The following GRIA4 variants were observed in gnomAD, a reference collection of about 807,000 sequenced individuals.
GRIA4 encodes glutamate receptor 4.
Under a neutral mutation model 104.0 loss-of-function variants are expected in GRIA4, and 34 were observed. The observed-to-expected ratio is 0.33, with a 90% CI of 0.25 to 0.44. The LOEUF (loss-of-function observed/expected upper bound fraction) is 0.44. GRIA4 is among the 20% of genes least tolerant of loss of function. The probability of loss-of-function intolerance (pLI) is 1.00; values close to 1 mark genes in which losing one functional copy is unlikely to be tolerated. For missense variants in GRIA4, 750 were observed against 1,096.5 expected (o/e 0.68, Z 4.46); for synonymous variants, 386 against 381.9 (o/e 1.01, Z -0.13).
chr11:105,622,580 T>A (rs1329865257), intron 3 of GRIA4, among the ~76,000 whole-genome samples: 1 of 151,670 alleles, frequency 6.6e-6, no homozygotes, highest in Non-Finnish European at 1.5e-5. Flanking sequence ...TGATTGTCAC[T>A]CACCACCTGA....
At chr11:105,733,269 A>C (rs1358226946) in intron 3 of GRIA4, among the ~76,000 whole-genome samples, 5 of 152,220 alleles carry the variant, frequency 3.3e-5, no homozygotes, top group African/African-American at 4.8e-5. Flanking sequence ...ATACGGTGTC[A>C]GTATACGTAT....
chr11:105,802,601 G>C (rs939758718), intron 4 of GRIA4, among the ~76,000 whole-genome samples: 4 of 151,888 alleles, frequency 2.6e-5, no homozygotes, highest in Admixed American at 2.6e-4. Context: ...CAGCAATTTA[G>C]TGAATCTATT....
intron 4 of GRIA4, among the ~76,000 whole-genome samples, chr11:105,776,937 A>G (rs1231318296): frequency 6.6e-6 from 1 of 152,184 alleles, no homozygotes; most frequent in Non-Finnish European, 1.5e-5. Context: ...AAGATGTTCT[A>G]CTACCATGAC....
chr11:105,890,135 T>C (rs1243438378), intron 6 of GRIA4, among the ~76,000 whole-genome samples: 1 of 152,122 alleles, frequency 6.6e-6, no homozygotes, highest in Non-Finnish European at 1.5e-5. Flanking sequence ...AAGAGAACAA[T>C]GAAATTCAGC....
At chr11:105,797,097 T>C (rs1349699945) in intron 4 of GRIA4, among the ~76,000 whole-genome samples, 1 of 152,058 alleles carries the variant, frequency 6.6e-6, no homozygotes, top group Non-Finnish European at 1.5e-5. Flanking sequence ...TAGTCCCAGC[T>C]ACTCCAGAGG....
chr11:105,942,468 A>G (rs1357900040), intron 14 of GRIA4, among the ~76,000 whole-genome samples: 1 of 151,722 alleles, frequency 6.6e-6, no homozygotes, highest in African/African-American at 2.4e-5. Context: ...CCACTTCCAC[A>G]TATATATATA....
chr11:105,841,779 C>T (rs954217619), intron 4 of GRIA4, among the ~76,000 whole-genome samples: 2 of 152,000 alleles, frequency 1.3e-5, no homozygotes, highest in African/African-American at 4.8e-5. Flanking sequence ...ACACTGAGAT[C>T]TCACTCCAGT....
At chr11:105,781,386 A>C (rs183218602) in intron 4 of GRIA4, among the ~76,000 whole-genome samples, 151 of 152,142 alleles carry the variant, frequency 9.9e-4, no homozygotes, top group African/African-American at 3.4e-3. Flanking sequence ...TAGTTGTTTT[A>C]CTGCCTTTAT....
rs1189737108 is a variant in GRIA4 at position 105,682,342 on chromosome 11, T to C, written c.247+69908T>C. Among the ~76,000 whole-genome samples, 3 of 152,270 alleles carry C rather than the reference T, an allele frequency of 2.0e-5. No individual in the cohort carries two copies. The South Asian group carries it at 6.2e-4, about 32-fold the overall frequency. On this transcript the variant is annotated intron_variant, in intron 3 of 16. Transcript: ENST00000282499. ...CTCAAGTGATCCTTCCACCTCGGCC[T>C]CCCAAGCAGCTGGGACTACAGACAT...
rs749896599 is a variant in GRIA4, at chr11:105,943,880, C to CTA, written c.2294+9924_2294+9925dup. Among the ~76,000 whole-genome samples the CTA allele has an allele frequency of 3.3e-4, 49 of 148,188 alleles. 1 individual carries two copies. Among genetic ancestry groups the CTA allele is most frequent in the African/African-American group, 1.1e-3 (45 of 40,848 alleles). On this transcript the variant is annotated intron_variant, in intron 14 of 16. Coordinates refer to ENST00000282499, the MANE Select transcript of GRIA4 (RefSeq NM_000829.4). ...GAAAAACAGGAAATGCTCTCTCTCT[C>CTA]TATATATATATATAGGAATTTATAA...
chr11:105,617,201 C>T (rs1950622462), intron 3 of GRIA4, among the ~76,000 whole-genome samples: 1 of 149,862 alleles, frequency 6.7e-6, no homozygotes, highest in South Asian at 2.1e-4. Flanking sequence ...TAATAATACA[C>T]CTTACACTTT....
intron 4 of GRIA4, among the ~76,000 whole-genome samples, chr11:105,825,804 T>C (rs536341388): frequency 6.2e-4 from 94 of 152,152 alleles, no homozygotes; most frequent in African/African-American, 2.1e-3. Context: ...CTCTTTTGAA[T>C]TGGGAGATCC....
intron 3 of GRIA4, among the ~76,000 whole-genome samples, chr11:105,616,049 C>A (rs1264942198): frequency 6.6e-6 from 1 of 151,522 alleles, no homozygotes; most frequent in East Asian, 1.9e-4. Flanking sequence ...TCTCAGATGG[C>A]AATAAGAAGT....
intron 5 of GRIA4, among the ~76,000 whole-genome samples, chr11:105,870,479 A>T (rs1045356629): frequency 3.3e-5 from 5 of 151,940 alleles, no homozygotes; most frequent in African/African-American, 1.2e-4. Context: ...CGATGCTGTG[A>T]AGGAACTCTG....
intron 3 of GRIA4, among the ~76,000 whole-genome samples, chr11:105,700,315 C>G (rs145168519): frequency 5.3e-4 from 80 of 152,288 alleles, no homozygotes; most frequent in African/African-American, 1.9e-3. Flanking sequence ...TTTCCAGAAT[C>G]CTACCATATC....
At chr11:105,755,811 G>T (rs1940277702) in intron 4 of GRIA4, among the ~76,000 whole-genome samples, 1 of 152,230 alleles carries the variant, frequency 6.6e-6, no homozygotes, top group Middle Eastern at 3.4e-3. Flanking sequence ...TGCTTGAGCT[G>T]GATCATCCAT....
At chr11:105,975,743 C>G (rs1858948169) in intron 16 of GRIA4, among the ~76,000 whole-genome samples, 1 of 152,034 alleles carries the variant, frequency 6.6e-6, no homozygotes, top group African/African-American at 2.4e-5. Context: ...TGAGTTTACA[C>G]CAGCTAAACA....
intron 4 of GRIA4, among the ~76,000 whole-genome samples, chr11:105,803,099 T>A (rs1452562869): frequency 1.3e-5 from 2 of 152,040 alleles, no homozygotes; most frequent in Non-Finnish European, 2.9e-5. Flanking sequence ...TGTCTTTTAT[T>A]ACATTAATAT....
rs569586474 is a variant in GRIA4, at chr11:105,881,099, T to C, written c.673-6420T>C. On this transcript the variant is annotated intron_variant, in intron 5 of 16. Transcript: ENST00000282499. ...TGCATTTATCAAGCAAATTGCCATCTGGGTGACAGGGGGTTAATTCCATTT... is the reference window on the plus strand; with the variant it reads ...TGCATTTATCAAGCAAATTGCCATCCGGGTGACAGGGGGTTAATTCCATTT... Among the ~76,000 whole-genome samples the C allele has an allele frequency of 4.6e-5, 7 of 152,322 alleles. No individual in the cohort carries two copies. In the South Asian group the frequency reaches 1.4e-3, roughly 32 times the overall value.
Sources: gnomAD v4.1 joint callset for allele counts (sites outside exome capture counted in the v4.1 genomes callset) on GRCh38, gnomAD v4.1.1 for gene constraint, MANE v1.5 for transcripts, NCBI Gene and HGNC (gene_info 2026-07-23, HGNC 2026-07-21) for gene names.